PIEZO2: variants seen among roughly 807,000 people sequenced by gnomAD.
PIEZO2 encodes the protein piezo-type mechanosensitive ion channel component 2.
PIEZO2 carries 172 observed loss-of-function variants against 337.3 expected under a neutral mutation model. The ratio of observed to expected loss-of-function variants is 0.51; its 90% CI spans 0.45 to 0.58. The LOEUF (loss-of-function observed/expected upper bound fraction) is 0.58. PIEZO2 is among the 20% of genes least tolerant of loss of function. The pLI is 0.00. For synonymous variants in PIEZO2, 1,251 were observed against 1,228.5 expected, an observed-to-expected ratio of 1.02 and a Z score of -0.38; for missense variants, 3,028 against 3,391.3, an observed-to-expected ratio of 0.89 and a Z score of 2.66.
intron 38 of PIEZO2, among the ~76,000 whole-genome samples, chr18:10,715,195 TAC>T (rs1486795486): frequency 3.3e-5 from 5 of 152,258 alleles, no homozygotes; most frequent in African/African-American, 1.2e-4. Flanking sequence ...TATTTTAAAA[TAC>T]AGTCTTTAAA....
At chr18:11,014,396 T>C (rs968236946) in intron 2 of PIEZO2, among the ~76,000 whole-genome samples, 9 of 144,698 alleles carry the variant, frequency 6.2e-5, no homozygotes, top group Non-Finnish European at 1.2e-4. Flanking sequence ...CATTCCTCAG[T>C]GTGGAGCACG....
chr18:10,680,114 T>C, intron 52 of PIEZO2, 85 bp downstream of exon 52: 3 of 1,218,354 alleles, frequency 2.5e-6, no homozygotes, highest in Non-Finnish European at 3.4e-6. Context: ...GTTCCCATTC[T>C]TCCATCCCAC....
In PIEZO2 at chr18:10,775,549, T is replaced by C. The variant is rs1265926679; in HGVS notation, c.2535-1511A>G. ...AATCTCATACGACAAGAAAACTACT[T>C]TCTAACAATTACTGCTATTAACAGA... On this transcript the variant is annotated intron_variant, in intron 18 of 55. Transcript: ENST00000674853. The surrounding 1 kb of genome is among the most constrained non-coding windows in gnomAD (Gnocchi z 4.3). Among the ~76,000 whole-genome samples, 12 of 152,186 alleles carry C rather than the reference T, an allele frequency of 7.9e-5. No homozygotes were observed. The highest frequency in any genetic ancestry group is 1.2e-4 in the Non-Finnish European group (8 of 68,026).
intron 7 of PIEZO2, among the ~76,000 whole-genome samples, chr18:10,844,336 C>G (rs1462998897): frequency 6.6e-6 from 1 of 151,716 alleles, no homozygotes; most frequent in East Asian, 1.9e-4. Context: ...ATGAGAATCA[C>G]TTGAATCTCG....
At position 11,094,541 on chromosome 18, in the gene PIEZO2, A is replaced by C. The variant is rs568518991; in HGVS notation, c.65-28319T>G. Among the ~76,000 whole-genome samples, 3 of 152,210 alleles carry C rather than the reference A, an allele frequency of 2.0e-5. No homozygotes were observed. The highest frequency in any genetic ancestry group is 1.9e-4 in the East Asian group (1 of 5,198). On this transcript the variant is annotated intron_variant, in intron 1 of 55. Transcript: ENST00000674853. This position sits in a 1 kb window ranked among gnomAD's most constrained non-coding sequence, Gnocchi z 4.4. ...AGCAAGCCAGCAACTCTCCAAAAGC[A>C]GTCGCTAATTAATAAGTGCAGGCAC... is the stretch of plus-strand genomic sequence containing the variant.
intron 24 of PIEZO2, among the ~76,000 whole-genome samples, chr18:10,760,217 C>A (rs773539431): frequency 3.3e-5 from 5 of 152,230 alleles, no homozygotes; most frequent in Admixed American, 6.5e-5. Context: ...AAGGCACAGG[C>A]ACTATCACAA....
chr18:11,047,208 C>G lies in PIEZO2; in HGVS notation c.160+18919G>C, dbSNP rs1176201086. ...ACCTCCCACCACTGCTGCCCTTGCT[C>G]TCAGAGAATGGACGCAAACTTGTCC... is the stretch of plus-strand genomic sequence containing the variant. On this transcript the variant is annotated intron_variant, in intron 2 of 55. Coordinates refer to ENST00000674853, the MANE Select transcript of PIEZO2 (RefSeq NM_001378183.1). The surrounding 1 kb of genome is among the most constrained non-coding windows in gnomAD (Gnocchi z 7.2). 1.3e-5 allele frequency among the ~76,000 whole-genome samples: 2 copies of G among 152,194 alleles called. No homozygotes were observed. The highest frequency in any genetic ancestry group is 4.8e-5 in the African/African-American group (2 of 41,452).
In PIEZO2 at chr18:10,884,398, T is replaced by G. The variant is rs148748609; in HGVS notation, c.330-12983A>C. Among the ~76,000 whole-genome samples, 430 of 152,324 alleles carry G rather than the reference T, an allele frequency of 2.8e-3. 5 individuals carry two copies. Among genetic ancestry groups the G allele is most frequent in the Middle Eastern group, 0.01 (3 of 294 alleles). On this transcript the variant is annotated intron_variant, in intron 4 of 55. Coordinates refer to ENST00000674853, the MANE Select transcript of PIEZO2 (RefSeq NM_001378183.1). ...ACTTTCTGTGTGTTTGCTAGGGATA[T>G]TCCGTCCTCCTCCAACCCTAGTTAT...
chr18:10,691,778 CACACAT>C (rs1290062147), intron 47 of PIEZO2, among the ~76,000 whole-genome samples: 1 of 10,470 alleles, frequency 9.6e-5, no homozygotes, highest in Non-Finnish European at 1.4e-4. Context: ...AACACACACA[CACACAT>C]ATATATATAT....
chr18:11,087,783 A>G (rs1030990479), intron 1 of PIEZO2, among the ~76,000 whole-genome samples: 4 of 152,204 alleles, frequency 2.6e-5, no homozygotes, highest in Non-Finnish European at 5.9e-5. Flanking sequence ...AGCTACTCCA[A>G]TGTTTGAATC....
chr18:10,785,321 G>T (rs2039179953), intron 16 of PIEZO2, among the ~76,000 whole-genome samples: 1 of 152,068 alleles, frequency 6.6e-6, no homozygotes. Flanking sequence ...ATTTCCCCAG[G>T]ACTCTGTTTT....
intron 1 of PIEZO2, among the ~76,000 whole-genome samples, chr18:11,091,124 G>A (rs1304893442): frequency 6.6e-6 from 1 of 151,924 alleles, no homozygotes; most frequent in African/African-American, 2.4e-5. Context: ...AGTGGCTCAT[G>A]CCTGTAATCC....
chr18:10,922,322 T>G (rs2031469872), intron 3 of PIEZO2, among the ~76,000 whole-genome samples: 1 of 152,108 alleles, frequency 6.6e-6, no homozygotes, highest in Non-Finnish European at 1.5e-5. Context: ...GAAAAGAACC[T>G]ATGTGACTGT....
chr18:10,863,943 C>A lies in PIEZO2; in HGVS notation c.493-6732G>T, dbSNP rs1055735492. Among the ~76,000 whole-genome samples, 2 of 152,094 alleles carry A rather than the reference C, an allele frequency of 1.3e-5. No individual in the cohort carries two copies. Among genetic ancestry groups the A allele is most frequent in the Admixed American group, 6.5e-5 (1 of 15,274 alleles). The stretch of plus-strand genomic sequence containing the variant: ...GAGATTACTACTCATCCTGAACCAC[C>A]TATTTTCTCTTGTAGGAACCAGCTA... On this transcript the variant is annotated intron_variant, in intron 5 of 55. Coordinates refer to ENST00000674853, the MANE Select transcript of PIEZO2 (RefSeq NM_001378183.1). This position sits in a 1 kb window ranked among gnomAD's most constrained non-coding sequence, Gnocchi z 4.3.
chr18:11,030,216 AC>A (rs1467875536), intron 2 of PIEZO2, among the ~76,000 whole-genome samples: 8 of 152,232 alleles, frequency 5.3e-5, no homozygotes, highest in African/African-American at 1.9e-4. Context: ...AACACTCGCT[AC>A]TTATGGTCAC....
chr18:11,120,221 T>A (rs2039992500), intron 1 of PIEZO2, among the ~76,000 whole-genome samples: 1 of 152,232 alleles, frequency 6.6e-6, no homozygotes, highest in South Asian at 2.1e-4. Flanking sequence ...TTTAAACTTC[T>A]CATCTGTTAC....
In PIEZO2 at chr18:11,099,777, G is replaced by T; in HGVS notation, c.65-33555C>A. On this transcript the variant is annotated intron_variant, in intron 1 of 55. Transcript: ENST00000674853. This position sits in a 1 kb window ranked among gnomAD's most constrained non-coding sequence, Gnocchi z 5.4. Reference sequence around the variant, plus strand: ...CCCGTCCTATATCTTTATTCTTAATGAGGTTGATTTTCTTTTTATTTGATT... The same window carrying T: ...CCCGTCCTATATCTTTATTCTTAATTAGGTTGATTTTCTTTTTATTTGATT... 6.6e-6 allele frequency among the ~76,000 whole-genome samples: 1 copy of T among 152,162 alleles called. No individual in the cohort carries two copies. Among genetic ancestry groups the T allele is most frequent in the East Asian group, 1.9e-4 (1 of 5,188 alleles).
chr18:10,708,131 G>T (rs1245342718), intron 40 of PIEZO2, 144 bp downstream of exon 40: 1 of 152,200 alleles, frequency 6.6e-6, no homozygotes, highest in Non-Finnish European at 1.5e-5. Flanking sequence ...GAGGGCAGTG[G>T]TGATTATGCT....
At chr18:10,817,428 A>G (rs986885222) in intron 7 of PIEZO2, among the ~76,000 whole-genome samples, 31 of 152,358 alleles carry the variant, frequency 2.0e-4, no homozygotes, top group African/African-American at 7.2e-4. Flanking sequence ...TCCATTTATT[A>G]AAGCTAGATA....
Sources: allele counts gnomAD v4.1 joint callset (sites outside exome capture counted in the v4.1 genomes callset), GRCh38; gene constraint gnomAD v4.1.1; non-coding constraint Gnocchi (gnomAD v3.1); transcripts MANE v1.5; gene names NCBI Gene and HGNC (gene_info 2026-07-23, HGNC 2026-07-21).